The following MGAT5B variants were observed in gnomAD, a reference collection of about 807,000 sequenced individuals.
MGAT5B encodes N-acetylglucosaminyl-transferase Vb.
MGAT5B carries 54 observed loss-of-function variants against 95.1 expected under a neutral mutation model. That is an observed-to-expected ratio of 0.57 (90% CI 0.46 to 0.71). The LOEUF is 0.71. MGAT5B is among the 30% of genes least tolerant of loss of function. The pLI is 0.00. For synonymous variants in MGAT5B, 464 were observed against 451.0 expected, an observed-to-expected ratio of 1.03 and a Z score of -0.36; for missense variants, 935 against 1,088.6, an observed-to-expected ratio of 0.86 and a Z score of 1.99.
chr17:76,922,506 G>GAAACAA (rs1969151484), intron 8 of MGAT5B, among the ~76,000 whole-genome samples: 1 of 152,202 alleles, frequency 6.6e-6, no homozygotes, highest in African/African-American at 2.4e-5. Flanking sequence ...TGCTTCACAG[G>GAAACAA]AAACAACAGG....
intron 8 of MGAT5B, chr17:76,923,955 CAG>C (rs1300500785): frequency 5.9e-5 from 9 of 152,242 alleles, no homozygotes; most frequent in South Asian, 2.1e-4. Context: ...CCACCTGACT[CAG>C]GGGCTCGGCA....
chr17:76,909,099 G>A (rs1333497035), intron 8 of MGAT5B, among the ~76,000 whole-genome samples: 2 of 151,960 alleles, frequency 1.3e-5, no homozygotes, highest in East Asian at 1.9e-4. Flanking sequence ...GAGCCACTGC[G>A]CCCAGCCTCT....
intron 12 of MGAT5B, among the ~76,000 whole-genome samples, chr17:76,937,578 AGATG>A (rs1451088823): frequency 6.6e-6 from 1 of 151,848 alleles, no homozygotes; most frequent in Non-Finnish European, 1.5e-5. Context: ...GATGGTGGGT[AGATG>A]GATGGATAGG....
intron 3 of MGAT5B, among the ~76,000 whole-genome samples, chr17:76,899,545 G>A (rs1464538822): frequency 6.6e-6 from 1 of 152,190 alleles, no homozygotes; most frequent in Non-Finnish European, 1.5e-5. Context: ...ACTGAAGTGG[G>A]ATGATGGCTT....
At chr17:76,871,294 A>G (rs1306179914) in intron 1 of MGAT5B, among the ~76,000 whole-genome samples, 1 of 152,160 alleles carries the variant, frequency 6.6e-6, no homozygotes, top group Non-Finnish European at 1.5e-5. Context: ...AGGGACCCCA[A>G]GATCTGAGCC....
intron 8 of MGAT5B, among the ~76,000 whole-genome samples, chr17:76,922,761 G>A (rs1394613925): frequency 6.6e-6 from 1 of 152,248 alleles, no homozygotes; most frequent in Non-Finnish European, 1.5e-5. Context: ...GGGGAAGACA[G>A]GAAGGTTGGA....
At chr17:76,941,986 T>C (rs1599005097) in intron 15 of MGAT5B, among the ~76,000 whole-genome samples, 1 of 152,186 alleles carries the variant, frequency 6.6e-6, no homozygotes, top group South Asian at 2.1e-4. Context: ...CCTGACACTT[T>C]TGGCCTGCAC....
chr17:76,902,503 G>A, intron 3 of MGAT5B, 52 bp from the exon 4 acceptor site: 3 of 1,392,358 alleles, frequency 2.2e-6, no homozygotes, highest in South Asian at 2.5e-5. Context: ...GACCCTCATG[G>A]GAAGGTCACC....
intron 2 of MGAT5B, among the ~76,000 whole-genome samples, chr17:76,876,875 G>A (rs894276285): frequency 4.6e-5 from 7 of 152,162 alleles, no homozygotes; most frequent in African/African-American, 7.2e-5. Flanking sequence ...AGGGCTTTCC[G>A]GCATTGCCCC....
rs1966935083 is a variant in MGAT5B, at chr17:76,869,868, A to T, written c.68+771A>T. 6.6e-6 allele frequency among the ~76,000 whole-genome samples: 1 copy of T among 152,010 alleles called. No homozygotes were observed. The highest frequency in any genetic ancestry group is 2.4e-5 in the African/African-American group (1 of 41,422). ...CGCGCGGGACTCACTGGACCCAGCC[A>T]GGGGCCCCCAGGGCCCAGCGGTGCC... is the stretch of plus-strand genomic sequence containing the variant. On this transcript the variant is annotated intron_variant, in intron 1 of 17. Coordinates refer to ENST00000569840, the MANE Select transcript of MGAT5B (RefSeq NM_001199172.2). This position sits in a 1 kb window ranked among gnomAD's most constrained non-coding sequence, Gnocchi z 7.0.
intron 2 of MGAT5B, among the ~76,000 whole-genome samples, chr17:76,879,003 T>G (rs1321634328): frequency 1.3e-5 from 2 of 151,732 alleles, no homozygotes; most frequent in African/African-American, 2.4e-5. Flanking sequence ...TTCTGCCCCA[T>G]CCCCCTTGAC....
At position 76,925,107 on chromosome 17, in the gene MGAT5B, C is replaced by A; in HGVS notation, c.1157+10C>A. The A allele has an allele frequency of 6.2e-7, 1 of 1,610,372 alleles. No individual in the cohort carries two copies. Among genetic ancestry groups the A allele is most frequent in the Non-Finnish European group, 8.5e-7 (1 of 1,179,050 alleles). On this transcript the variant is annotated intron_variant, in intron 9 of 17. Coordinates refer to ENST00000569840, the MANE Select transcript of MGAT5B (RefSeq NM_001199172.2). ...CCTTCAAGAAGTACCGGTGAGAGGG[C>A]GGCCAGAGGGTGGGCACGTGGCCCA...
chr17:76,938,213 G>A lies in MGAT5B; in HGVS notation c.1584+70G>A. On this transcript the variant is annotated intron_variant, in intron 13 of 17. Coordinates refer to ENST00000569840, the MANE Select transcript of MGAT5B (RefSeq NM_001199172.2). This position sits in a 1 kb window ranked among gnomAD's most constrained non-coding sequence, Gnocchi z 4.3. Reference sequence around the variant, plus strand: ...GACACTGAGGTCACCACCCATGCCTGCCACCACCACTCAGGCCCCTTCCAC... The same window carrying A: ...GACACTGAGGTCACCACCCATGCCTACCACCACCACTCAGGCCCCTTCCAC... 1 of 1,571,760 alleles carries A rather than the reference G, an allele frequency of 6.4e-7. No homozygotes were observed. Among genetic ancestry groups the A allele is most frequent in the Non-Finnish European group, 8.7e-7 (1 of 1,151,540 alleles).
At position 76,887,452 on chromosome 17, in the gene MGAT5B, T is replaced by TCCC. The variant is rs1410135352; in HGVS notation, c.329+5154_329+5155insCCC. Among the ~76,000 whole-genome samples, 108 of 57,544 alleles carry TCCC rather than the reference T, an allele frequency of 1.9e-3. 1 individual carries two copies. Among genetic ancestry groups the TCCC allele is most frequent in the African/African-American group, 7.1e-3 (100 of 13,996 alleles). The allele number at this position is 57,544 out of a possible 152,430, so 37.8% of individuals were successfully genotyped here. A position where few individuals can be genotyped will look rare whatever the true frequency, so the allele number is the denominator to read the frequency against. On this transcript the variant is annotated intron_variant, in intron 3 of 17. Coordinates refer to ENST00000569840, the MANE Select transcript of MGAT5B (RefSeq NM_001199172.2). ...TTCTTTCCCTCCCTCCCTCCCTTCC[T>TCCC]TCCTCCCTCCCTCCCTCCCTTCCTC...
rs183572901 is a variant in MGAT5B at position 76,941,553 on chromosome 17, T to C, written c.1848+705T>C. On this transcript the variant is annotated intron_variant, in intron 15 of 17. Transcript: ENST00000569840. ...CCCCTTCTTGCTATAGCTCAGATGA[T>C]AGGCTGAGCAAAAATAATTGCTCCA... 5.3e-5 allele frequency among the ~76,000 whole-genome samples: 8 copies of C among 152,332 alleles called. No individual in the cohort carries two copies. The East Asian group carries it at 1.2e-3, about 22-fold the overall frequency.
chr17:76,901,101 G>T (rs957116412), intron 3 of MGAT5B, among the ~76,000 whole-genome samples: 3 of 152,166 alleles, frequency 2.0e-5, no homozygotes. Context: ...TGTGTATGGG[G>T]CCACTGCCCT....
At chr17:76,936,210 C>G (rs953602106) in intron 12 of MGAT5B, among the ~76,000 whole-genome samples, 7 of 151,996 alleles carry the variant, frequency 4.6e-5, no homozygotes, top group Non-Finnish European at 7.4e-5. Flanking sequence ...AGATTGAGAT[C>G]AGCTTGACTA....
intron 2 of MGAT5B, among the ~76,000 whole-genome samples, chr17:76,877,752 G>A (rs1378404108): frequency 1.3e-5 from 2 of 152,164 alleles, no homozygotes; most frequent in Admixed American, 6.5e-5. Context: ...CCTTCTCAGT[G>A]CCAGGGAGGT....
At chr17:76,948,186 A>G (rs1165166802) in intron 17 of MGAT5B, 100 bp downstream of exon 17, 3 of 1,457,268 alleles carry the variant, frequency 2.1e-6, no homozygotes, top group African/African-American at 2.9e-5. Context: ...CAGCCCTGCC[A>G]GTGTGGGGGG....
Sources: gnomAD v4.1 joint callset for allele counts (sites outside exome capture counted in the v4.1 genomes callset) on GRCh38, gnomAD v4.1.1 for gene constraint, Gnocchi (gnomAD v3.1) non-coding constraint, MANE v1.5 for transcripts, NCBI Gene and HGNC (gene_info 2026-07-23, HGNC 2026-07-21) for gene names.